Variants in RAB3C observed in about 807,000 individuals in gnomAD.
RAB3C encodes ras-related protein Rab-3C.
Under a neutral mutation model 26.4 loss-of-function variants are expected in RAB3C, and 17 were observed. That is an observed-to-expected ratio of 0.64 (90% CI 0.44 to 0.97). The LOEUF (loss-of-function observed/expected upper bound fraction) is 0.97. Ranked by LOEUF, RAB3C falls within the 50% of genes least tolerant of loss-of-function variation. RAB3C has a pLI of 0.00. For missense variants in RAB3C, 242 were observed against 281.9 expected, an observed-to-expected ratio of 0.86 and a Z score of 1.01; for synonymous variants, 91 against 95.9, an observed-to-expected ratio of 0.95 and a Z score of 0.30.
intron 2 of RAB3C, among the ~76,000 whole-genome samples, chr5:58,724,289 G>A (rs1459233402): frequency 6.6e-6 from 1 of 151,688 alleles, no homozygotes; most frequent in Non-Finnish European, 1.5e-5. Flanking sequence ...ATGTTAGAGG[G>A]ATTTGGTTTA....
Position 58,742,041 on chromosome 5 carries a change from T to A in RAB3C, c.371+15921T>A, listed in dbSNP as rs564769460. ...AAGGATAAGTTAAAGATAGAGTTTT[T>A]AATATTGTTTTCCAGCACCCTTGTA... On this transcript the variant is annotated intron_variant, in intron 3 of 4. Coordinates refer to ENST00000282878, the MANE Select transcript of RAB3C (RefSeq NM_138453.4). The A allele has an allele frequency of 3.9e-5, 6 of 151,998 alleles. No individual in the cohort carries two copies. In the East Asian group the frequency reaches 1.2e-3, roughly 29 times the overall value. The allele number at this position is 151,998 out of a possible 1,614,324, so 9.4% of individuals were successfully genotyped here.
intron 1 of RAB3C, among the ~76,000 whole-genome samples, chr5:58,596,973 A>C (rs1447203455): frequency 1.1e-5 from 1 of 92,180 alleles, no homozygotes; most frequent in Admixed American, 2.0e-4. Context: ...ATTACATATA[A>C]ACATATAATA....
intron 1 of RAB3C, among the ~76,000 whole-genome samples, chr5:58,591,314 T>C (rs1465169446): frequency 6.6e-6 from 1 of 152,088 alleles, no homozygotes; most frequent in African/African-American, 2.4e-5. Context: ...ATTTATACTA[T>C]CAATTACTGT....
intron 1 of RAB3C, among the ~76,000 whole-genome samples, chr5:58,596,181 A>G (rs1023222660): frequency 2.0e-5 from 3 of 151,944 alleles, no homozygotes; most frequent in Non-Finnish European, 4.4e-5. Flanking sequence ...GCAAACTAGG[A>G]CAATTGGTAA....
intron 2 of RAB3C, among the ~76,000 whole-genome samples, chr5:58,624,354 A>G (rs1366811163): frequency 6.6e-6 from 1 of 152,214 alleles, no homozygotes; most frequent in Non-Finnish European, 1.5e-5. Context: ...TTAGGTGATC[A>G]GTGCGGATTG....
chr5:58,814,667 T>A (rs1180294111), intron 3 of RAB3C: 2 of 152,226 alleles, frequency 1.3e-5, no homozygotes, highest in East Asian at 1.9e-4. Flanking sequence ...TACCTTTTCC[T>A]AGGTCAGACT....
At chr5:58,612,790 G>C (rs1464507873) in intron 1 of RAB3C, among the ~76,000 whole-genome samples, 1 of 151,720 alleles carries the variant, frequency 6.6e-6, no homozygotes, top group African/African-American at 2.4e-5. Flanking sequence ...TTGACTCCCT[G>C]TCTTCCTATT....
intron 2 of RAB3C, among the ~76,000 whole-genome samples, chr5:58,692,005 A>C (rs1277988523): frequency 3.3e-5 from 5 of 152,156 alleles, no homozygotes; most frequent in African/African-American, 1.2e-4. Context: ...CAATAAAGTG[A>C]CGCTTTTTCT....
chr5:58,770,436 C>T (rs1345825141), intron 3 of RAB3C, among the ~76,000 whole-genome samples: 1 of 152,120 alleles, frequency 6.6e-6, no homozygotes, highest in Non-Finnish European at 1.5e-5. Context: ...CTACCTCTTC[C>T]CCTCAGATGC....
intron 2 of RAB3C, among the ~76,000 whole-genome samples, chr5:58,649,163 T>A (rs1747589128): frequency 1.3e-5 from 2 of 152,130 alleles, no homozygotes; most frequent in Admixed American, 1.3e-4. Flanking sequence ...CCGCAATTGC[T>A]CTACCACCTG....
At chr5:58,802,408 C>G (rs1375850075) in intron 3 of RAB3C, among the ~76,000 whole-genome samples, 2 of 152,154 alleles carry the variant, frequency 1.3e-5, no homozygotes, top group African/African-American at 2.4e-5. Context: ...TGTGCACACT[C>G]CCAAAGGACA....
chr5:58,628,119 T>C (rs1579825301), intron 2 of RAB3C, among the ~76,000 whole-genome samples: 2 of 122,184 alleles, frequency 1.6e-5, no homozygotes, highest in South Asian at 5.2e-4. Flanking sequence ...ATCGTACCAC[T>C]GCACTCCAGC....
At position 58,616,390 on chromosome 5, in the gene RAB3C, G is replaced by T. The variant is rs76328699; in HGVS notation, c.25-1253G>T. On this transcript the variant is annotated intron_variant, in intron 1 of 4. Transcript: ENST00000282878. ...TACCATATTAAACAGAATAACAATT[G>T]CCAAATAATTTATAGCATCAGAAAC... Among the ~76,000 whole-genome samples, 1,045 of 152,208 alleles carry T rather than the reference G, an allele frequency of 6.9e-3. 21 individuals carry two copies. Among genetic ancestry groups the T allele is most frequent in the African/African-American group, 0.023 (970 of 41,544 alleles).
chr5:58,642,232 C>T (rs1747427050), intron 2 of RAB3C, among the ~76,000 whole-genome samples: 2 of 152,194 alleles, frequency 1.3e-5, no homozygotes, highest in South Asian at 4.1e-4. Context: ...GAGACTTAAG[C>T]AATCTTAGCT....
At chr5:58,589,387 A>G (rs1158882670) in intron 1 of RAB3C, among the ~76,000 whole-genome samples, 2 of 152,100 alleles carry the variant, frequency 1.3e-5, no homozygotes, top group Non-Finnish European at 2.9e-5. Context: ...TAATGCCTTC[A>G]TGAAGTTATA....
chr5:58,627,452 A>G (rs1747078660), intron 2 of RAB3C, among the ~76,000 whole-genome samples: 1 of 81,630 alleles, frequency 1.2e-5, no homozygotes, highest in Admixed American at 1.7e-4. Flanking sequence ...GGCCTGGGCG[A>G]CAGAGCGAGA....
chr5:58,795,268 C>T (rs1742617486), intron 3 of RAB3C, among the ~76,000 whole-genome samples: 1 of 152,134 alleles, frequency 6.6e-6, no homozygotes, highest in Non-Finnish European at 1.5e-5. Flanking sequence ...AACCTCTTTC[C>T]TTTATAAATT....
chr5:58,624,339 CTAT>C, intron 2 of RAB3C, among the ~76,000 whole-genome samples: 1 of 152,080 alleles, frequency 6.6e-6, no homozygotes, highest in East Asian at 1.9e-4. Context: ...AAGGGGAAGC[CTAT>C]TTTAGGTGAT....
chr5:58,594,499 A>G (rs116002153), intron 1 of RAB3C, among the ~76,000 whole-genome samples: 2,150 of 152,274 alleles, frequency 0.014, 43 homozygotes, highest in African/African-American at 0.05. Context: ...GATGATTATG[A>G]CTATGAAAGT....
Sources: allele counts gnomAD v4.1 joint callset (sites outside exome capture counted in the v4.1 genomes callset), GRCh38; gene constraint gnomAD v4.1.1; transcripts MANE v1.5; gene names NCBI Gene and HGNC (gene_info 2026-07-23, HGNC 2026-07-21).